Variants in GCC2 observed in about 807,000 individuals in gnomAD.
GCC2 encodes GRIP and coiled-coil domain containing 2, also known as GRIP and coiled-coil domain-containing protein 2.
In GCC2, 120 loss-of-function variants were observed where a neutral mutation model predicts 210.6. The observed-to-expected ratio is 0.57, with a 90% CI of 0.49 to 0.66. The LOEUF is 0.66. Among genes scored for constraint, GCC2 ranks in the 30% least tolerant of loss-of-function variants. GCC2 has a pLI of 0.00. For missense variants in GCC2, 1,868 were observed against 1,871.9 expected (o/e 1.00, Z 0.04); for synonymous variants, 703 against 652.7 (o/e 1.08, Z -1.17).
At position 108,470,358 on chromosome 2, in the gene GCC2, A is replaced by G. The variant is rs61729897; in HGVS notation, c.1029A>G (p.Glu343=). Residue 343 remains glutamate, a synonymous_variant, in exon 6 of 23, where the codon GAA becomes GAG. Transcript: ENST00000309863. ...AACACTTAGAAGATACCTTAAAAGA[A>G]CTTGAATCTCAACACAGTATCTTAA... ...KVKHLEDTLK[E]LESQHSILKD... 6.0e-3 allele frequency: 9,586 copies of G among 1,605,726 alleles called. 59 individuals are homozygous for G. The highest frequency in any genetic ancestry group is 0.019 in the East Asian group (861 of 44,768).
chr2:108,452,566 C>A, intron 4 of GCC2, 100 bp downstream of exon 4: 1 of 748,026 alleles, frequency 1.3e-6, no homozygotes, highest in Non-Finnish European at 2.4e-6. Flanking sequence ...GTTCTACTTC[C>A]TCTCTGCCTT....
At chr2:108,449,557 T>C (rs1558722475) in intron 1 of GCC2, 76 bp from the exon 2 acceptor site, 1 of 1,441,174 alleles carries the variant, frequency 6.9e-7, no homozygotes, top group Non-Finnish European at 9.8e-7. Context: ...GGTTTTTCCC[T>C]GTAAGGGTTC....
chr2:108,483,468 G>A (rs925610928), intron 12 of GCC2, among the ~76,000 whole-genome samples: 8 of 151,724 alleles, frequency 5.3e-5, no homozygotes, highest in Non-Finnish European at 1.0e-4. Context: ...CAAATGATCC[G>A]CCCATCTCAG....
intron 4 of GCC2, among the ~76,000 whole-genome samples, chr2:108,459,018 A>G (rs924311715): frequency 6.6e-6 from 1 of 151,926 alleles, no homozygotes; most frequent in African/African-American, 2.4e-5. Flanking sequence ...AGATTGTTTG[A>G]AATCTTTTTA....
chr2:108,485,177 G>T (rs545045110), intron 13 of GCC2, among the ~76,000 whole-genome samples: 4 of 151,474 alleles, frequency 2.6e-5, no homozygotes, highest in Admixed American at 1.3e-4. Context: ...GTGGTGGGGT[G>T]GGGGGAGTGG....
At chr2:108,486,716 C>G in intron 16 of GCC2, 68 bp downstream of exon 16, 1 of 1,422,558 alleles carries the variant, frequency 7.0e-7, no homozygotes, top group Non-Finnish European at 9.6e-7. Context: ...TGGTTTACTC[C>G]AGGGCTGTGC....
intron 13 of GCC2, 158 bp downstream of exon 13, chr2:108,484,469 T>C: frequency 2.1e-6 from 1 of 474,518 alleles, no homozygotes. Context: ...GGTGTAAAAC[T>C]GTTTGCCATT....
At chr2:108,498,778 T>C (rs963915775) in intron 21 of GCC2, among the ~76,000 whole-genome samples, 30 of 150,886 alleles carry the variant, frequency 2.0e-4, no homozygotes, top group African/African-American at 7.2e-4. Context: ...ACTTTTGTTT[T>C]GATTAAGTGC....
intron 12 of GCC2, 58 bp from the exon 13 acceptor site, chr2:108,484,091 A>T (rs1282305127): frequency 1.6e-6 from 2 of 1,231,754 alleles, no homozygotes; most frequent in Non-Finnish European, 2.2e-6. Flanking sequence ...ATGAAAAAAA[A>T]AATTTACAAA....
At chr2:108,449,437 G>A (rs1177267962) in intron 1 of GCC2, 157 bp downstream of exon 1, 2 of 1,377,876 alleles carry the variant, frequency 1.5e-6, no homozygotes, top group South Asian at 1.4e-5. Flanking sequence ...TCTATCCCTG[G>A]GGGTTACCTG....
At chr2:108,498,095 A>C (rs1682733131) in intron 21 of GCC2, among the ~76,000 whole-genome samples, 2 of 150,452 alleles carry the variant, frequency 1.3e-5, no homozygotes, top group Non-Finnish European at 1.5e-5. Flanking sequence ...ATAAAATAAC[A>C]TTTTCTGACT....
At chr2:108,453,045 G>GA (rs995680740) in intron 4 of GCC2, among the ~76,000 whole-genome samples, 1 of 152,184 alleles carries the variant, frequency 6.6e-6, no homozygotes, top group Non-Finnish European at 1.5e-5. Flanking sequence ...CCAGCCCCCT[G>GA]AAAACCTGGC....
chr2:108,495,378 G>A lies in GCC2; in HGVS notation c.4535G>A (p.Arg1512Gln), dbSNP rs746309826. ...CTTCTAGACATGCACACTGTAACCCGGGAAGAGGGAGAAGGCATGGAGACA... is the reference window on the plus strand; with the variant it reads ...CTTCTAGACATGCACACTGTAACCCAGGAAGAGGGAGAAGGCATGGAGACA... ...LPLLDMHTVT[R>Q]EEGEGMETTD... The change falls in exon 20 of 23, where the codon CGG (arginine) becomes CAG (glutamine). Residue 1512 changes from arginine (R) to glutamine (Q), a missense_variant. Around this residue, in one of 3 missense-constraint regions of GCC2, gnomAD observed 1,847 missense variants for 1,765.2 expected, o/e 1.05. Coordinates refer to ENST00000309863, the MANE Select transcript of GCC2 (RefSeq NM_181453.4). The A allele has an allele frequency of 2.5e-5, 40 of 1,575,482 alleles. No homozygotes were observed. The highest frequency in any genetic ancestry group is 6.6e-5 in the South Asian group (6 of 90,512).
chr2:108,505,507 TGATA>T (rs1045598502), intron 22 of GCC2, among the ~76,000 whole-genome samples: 6 of 152,116 alleles, frequency 3.9e-5, no homozygotes, highest in Non-Finnish European at 7.3e-5. Context: ...ACAGCAAAAA[TGATA>T]GATTACAAGA....
intron 16 of GCC2, 137 bp from the exon 17 acceptor site, chr2:108,487,562 A>G: frequency 1.2e-6 from 1 of 823,146 alleles, no homozygotes; most frequent in Non-Finnish European, 1.9e-6. Context: ...AGCAAGGTTA[A>G]TCAAGAAACC....
At chr2:108,495,940 C>G (rs1370977425) in intron 20 of GCC2, 1 of 154,336 alleles carries the variant, frequency 6.5e-6, no homozygotes, top group African/African-American at 2.4e-5. Flanking sequence ...CTTCCCCAGC[C>G]CACTGACTCA....
chr2:108,461,818 CT>C (rs1390391578), intron 4 of GCC2, among the ~76,000 whole-genome samples: 21 of 120,802 alleles, frequency 1.7e-4, no homozygotes, highest in South Asian at 2.6e-4. Context: ...AATAGGTTTT[CT>C]TTTTTTTTTT....
At position 108,469,956 on chromosome 2, in the gene GCC2, T is replaced by C. The variant is rs747649752; in HGVS notation, c.627T>C (p.Thr209=). The part of the protein sequence containing the change: ...LYLQKQLDAT[T]DEKKETVTQL... ...TGCAAAAGCAATTAGACGCTACCAC[T>C]GATGAAAAGAAGGAAACAGTTACTC... The change falls in exon 6 of 23, where the codon ACT becomes ACC. Residue 209 remains threonine (T), a synonymous_variant. Coordinates refer to ENST00000309863, the MANE Select transcript of GCC2 (RefSeq NM_181453.4). 5.0e-6 allele frequency: 8 copies of C among 1,613,394 alleles called. No individual in the cohort carries two copies. The Admixed American group carries it at 1.3e-4, about 27-fold the overall frequency.
intron 5 of GCC2, 145 bp downstream of exon 5, chr2:108,469,229 A>G: frequency 2.0e-6 from 1 of 512,034 alleles, no homozygotes; most frequent in Admixed American, 3.4e-5. Context: ...TTTAAAAGAA[A>G]AATAACTGAA....
Sources: gnomAD v4.1 joint callset for allele counts (sites outside exome capture counted in the v4.1 genomes callset) on GRCh38, gnomAD v4.1.1 for gene constraint, gnomAD v4.1.1 regional missense constraint, MANE v1.5 for transcripts, NCBI Gene and HGNC (gene_info 2026-07-23, HGNC 2026-07-21) for gene names.